OTOGL: variants seen among roughly 807,000 people sequenced by gnomAD.
OTOGL encodes the protein otogelin like.
OTOGL carries 285 observed loss-of-function variants against 318.5 expected under a neutral mutation model. The ratio of observed to expected loss-of-function variants is 0.89; its 90% CI spans 0.81 to 0.99. The LOEUF (loss-of-function observed/expected upper bound fraction) is 0.99. OTOGL is among the 50% of genes least tolerant of loss of function. The probability of loss-of-function intolerance (pLI) is 0.00; values close to 1 mark genes in which losing one functional copy is unlikely to be tolerated. For missense variants in OTOGL, 2,899 were observed against 2,845.6 expected (o/e 1.02, Z -0.43); for synonymous variants, 987 against 936.5 (o/e 1.05, Z -0.99).
chr12:80,332,169 T>A (rs1344375784), intron 37 of OTOGL, among the ~76,000 whole-genome samples: 1 of 152,152 alleles, frequency 6.6e-6, no homozygotes, highest in Non-Finnish European at 1.5e-5. Flanking sequence ...AAAGAAAAAT[T>A]GTATATATTT....
rs1485982422 is a variant in OTOGL, at chr12:80,312,850, C to T, written c.3451-626C>T. On this transcript the variant is annotated intron_variant, in intron 30 of 58. Transcript: ENST00000547103. Reference sequence around the variant, plus strand: ...TTTTTATTTGAGACAGAGTCTCTGTCGCTCAGGCTGGAGTGCAGTGGTGCG... The same window carrying T: ...TTTTTATTTGAGACAGAGTCTCTGTTGCTCAGGCTGGAGTGCAGTGGTGCG... 3.9e-5 allele frequency among the ~76,000 whole-genome samples: 6 copies of T among 152,150 alleles called. No individual in the cohort carries two copies. In the South Asian group the frequency reaches 1.0e-3, roughly 26 times the overall value.
intron 9 of OTOGL, 149 bp downstream of exon 9, chr12:80,233,246 T>A (rs892465812): frequency 5.7e-6 from 4 of 703,600 alleles, no homozygotes; most frequent in Middle Eastern, 3.9e-4. Context: ...AAAGGTTGAA[T>A]AGGAAAATAT....
chr12:80,193,448 G>A (rs186948258), intron 1 of OTOGL, among the ~76,000 whole-genome samples: 45 of 152,164 alleles, frequency 3.0e-4, no homozygotes, highest in African/African-American at 9.4e-4. Context: ...CCTGGGAGTT[G>A]GAGGTTGCAG....
chr12:80,264,898 A>C lies in OTOGL; in HGVS notation c.2015-103A>C, dbSNP rs927459766. 3.7e-5 allele frequency: 43 copies of C among 1,177,774 alleles called. No homozygotes were observed. In the African/African-American group the frequency reaches 6.4e-4, roughly 18 times the overall value. The allele number at this position is 1,177,774 out of a possible 1,614,324, so 73.0% of individuals were successfully genotyped here. ...TGAAATTGTTCACTCTTGTATTAAA[A>C]GTAATATGCACTACAGTGTATTTCT... On this transcript the variant is annotated intron_variant, in intron 19 of 58. Transcript: ENST00000547103.
chr12:80,230,876 T>C lies in OTOGL; in HGVS notation c.611+1498T>C, dbSNP rs80125918. 2.6e-5 allele frequency among the ~76,000 whole-genome samples: 4 copies of C among 152,340 alleles called. No homozygotes were observed. The East Asian group carries it at 7.7e-4, about 29-fold the overall frequency. ...CATTCAGTTCTGCATTCATTTAGGTTTACATTTTAATGTTTCCTGCCTAGG... is the reference window on the plus strand; with the variant it reads ...CATTCAGTTCTGCATTCATTTAGGTCTACATTTTAATGTTTCCTGCCTAGG... On this transcript the variant is annotated intron_variant, in intron 8 of 58. Transcript: ENST00000547103.
At chr12:80,343,884 G>T (rs1888998560) in intron 44 of OTOGL, 1 of 152,200 alleles carries the variant, frequency 6.6e-6, no homozygotes, top group Non-Finnish European at 1.5e-5. Flanking sequence ...GTATATGCAA[G>T]AGAAAGTTTG....
intron 37 of OTOGL, among the ~76,000 whole-genome samples, chr12:80,330,967 T>C (rs1377207254): frequency 1.3e-5 from 2 of 152,192 alleles, no homozygotes; most frequent in Admixed American, 1.3e-4. Context: ...ACATTGTTGA[T>C]AGAATTAAGA....
At chr12:80,197,778 A>G (rs1047490044) in intron 1 of OTOGL, among the ~76,000 whole-genome samples, 1 of 152,216 alleles carries the variant, frequency 6.6e-6, no homozygotes, top group Non-Finnish European at 1.5e-5. Context: ...GTGTGGTGGC[A>G]TCTTTCTCCT....
chr12:80,137,893 C>G (rs7300188), intron 1 of OTOGL, among the ~76,000 whole-genome samples: 1 of 151,886 alleles, frequency 6.6e-6, no homozygotes, highest in Non-Finnish European at 1.5e-5. Context: ...AGCTCTAACC[C>G]GTGTTTCTGT....
chr12:80,345,118 T>TTA (rs71094976), intron 44 of OTOGL, among the ~76,000 whole-genome samples: 79,448 of 103,922 alleles, frequency 0.76, 27,794 homozygotes, highest in East Asian at 0.84. Flanking sequence ...ATATATATTA[T>TTA]TATGTTATAT....
chr12:80,178,056 T>G (rs544973134), intron 1 of OTOGL, among the ~76,000 whole-genome samples: 2 of 141,012 alleles, frequency 1.4e-5, no homozygotes, highest in South Asian at 4.5e-4. Context: ...TTTCTTTCTT[T>G]CTTTCTTTTT....
rs577532041 is a variant in OTOGL, at chr12:80,118,942, G to T, written c.-20+19337G>T. Among the ~76,000 whole-genome samples, 161 of 151,878 alleles carry T rather than the reference G, an allele frequency of 1.1e-3. 3 individuals are homozygous for T. Among genetic ancestry groups the T allele is most frequent in the African/African-American group, 3.2e-3 (131 of 41,380 alleles). On this transcript the variant is annotated intron_variant, in intron 1 of 58. Coordinates refer to ENST00000547103, the MANE Select transcript of OTOGL (RefSeq NM_001378609.3). ...TATTGGATATTAAGCAAGGTTTCTG[G>T]TTTCAAAGGAAATAGGATTTTATTT...
chr12:80,186,430 A>T (rs1875294532), intron 1 of OTOGL, among the ~76,000 whole-genome samples: 1 of 151,864 alleles, frequency 6.6e-6, no homozygotes, highest in Non-Finnish European at 1.5e-5. Flanking sequence ...TTTCCTGTCC[A>T]TGTTTCCCTC....
At chr12:80,210,804 T>G (rs1331275611) in intron 2 of OTOGL, 43 bp from the exon 3 acceptor site, 1 of 1,295,336 alleles carries the variant, frequency 7.7e-7, no homozygotes, top group Non-Finnish European at 1.0e-6. Flanking sequence ...AGCCAATATA[T>G]TTGGATAATT....
intron 8 of OTOGL, among the ~76,000 whole-genome samples, chr12:80,229,898 A>G (rs375149729): frequency 1.2e-4 from 19 of 152,220 alleles, no homozygotes; most frequent in Non-Finnish European, 2.5e-4. Flanking sequence ...CTGGCCTCGA[A>G]TAGATCAGAG....
chr12:80,256,548 T>A, intron 17 of OTOGL, 88 bp downstream of exon 17: 1 of 1,457,918 alleles, frequency 6.9e-7, no homozygotes, highest in Non-Finnish European at 9.1e-7. Context: ...ATGGGATCTT[T>A]TCCTAATGTT....
rs188793584 is a variant in OTOGL at position 80,302,754 on chromosome 12, A to T, written c.3184A>T (p.Ile1062Phe). 5.8e-5 allele frequency: 88 copies of T among 1,528,474 alleles called. No homozygotes were observed. In the East Asian group the frequency reaches 1.8e-3, roughly 31 times the overall value. The allele number at this position is 1,528,474 out of a possible 1,614,324, so 94.7% of individuals were successfully genotyped here. A position where few individuals can be genotyped will look rare whatever the true frequency, so the allele number is the denominator to read the frequency against. ...ITILWDRKTT[I>F]HIKVGPQWKN... ...TATTCTTTGGGATAGGAAGACAACT[A>T]TTCATATCAAAGTTGGGCCACAGTG... Residue 1062 changes from isoleucine to phenylalanine, a missense_variant, in exon 28 of 59, where the codon ATT becomes TTT. Ile to Phe is a conservative substitution (Grantham distance 21). Coordinates refer to ENST00000547103, the MANE Select transcript of OTOGL (RefSeq NM_001378609.3).
chr12:80,186,262 C>A (rs1014310216), intron 1 of OTOGL, among the ~76,000 whole-genome samples: 1 of 152,102 alleles, frequency 6.6e-6, no homozygotes, highest in African/African-American at 2.4e-5. Flanking sequence ...AGATGTGAAA[C>A]TCTGGGTTTA....
intron 7 of OTOGL, among the ~76,000 whole-genome samples, chr12:80,228,910 A>G (rs1879116435): frequency 6.6e-6 from 1 of 152,166 alleles, no homozygotes; most frequent in African/African-American, 2.4e-5. Context: ...TCTAATAGGT[A>G]AAAAATACGG....
Sources: gnomAD v4.1 joint callset for allele counts (sites outside exome capture counted in the v4.1 genomes callset) on GRCh38, gnomAD v4.1.1 for gene constraint, MANE v1.5 for transcripts, NCBI Gene and HGNC (gene_info 2026-07-23, HGNC 2026-07-21) for gene names.